The following RIMS2 variants were observed in gnomAD, a reference collection of about 807,000 sequenced individuals.
The protein encoded by RIMS2 is regulating synaptic membrane exocytosis 2, also known as regulating synaptic membrane exocytosis protein 2.
In RIMS2, 59 loss-of-function variants were observed where a neutral mutation model predicts 174.4. That is an observed-to-expected ratio of 0.34 (90% confidence interval 0.27 to 0.42). RIMS2 has a LOEUF of 0.42. RIMS2 is among the 10% of genes least tolerant of loss of function. RIMS2 has a pLI of 1.00. For missense variants in RIMS2, 1,620 were observed against 1,666.3 expected, an observed-to-expected ratio of 0.97 and a Z score of 0.48; for synonymous variants, 606 against 572.5, an observed-to-expected ratio of 1.06 and a Z score of -0.84.
chr8:103,704,423 CATT>C (rs759984789), intron 2 of RIMS2, among the ~76,000 whole-genome samples: 2 of 151,816 alleles, frequency 1.3e-5, no homozygotes, highest in Non-Finnish European at 2.9e-5. Flanking sequence ...CTCTAGTCGT[CATT>C]GTTGTTGTTT....
At chr8:104,213,746 A>G (rs865995573) in intron 19 of RIMS2, among the ~76,000 whole-genome samples, 8 of 151,760 alleles carry the variant, frequency 5.3e-5, no homozygotes, top group Admixed American at 1.3e-4. Context: ...GCGTGGTGGC[A>G]CGCGCCTGTA....
chr8:103,917,624 A>G (rs891092261), intron 8 of RIMS2, among the ~76,000 whole-genome samples: 31 of 152,190 alleles, frequency 2.0e-4, no homozygotes, highest in African/African-American at 7.5e-4. Context: ...TCAAATCTCA[A>G]ATAAAAAGAT....
intron 3 of RIMS2, among the ~76,000 whole-genome samples, chr8:103,816,361 A>G (rs2154469024): frequency 6.6e-6 from 1 of 152,336 alleles, no homozygotes; most frequent in East Asian, 1.9e-4. Context: ...CTTTTTGATA[A>G]CATGTAGGCA....
At chr8:103,789,544 A>G (rs2098476706) in intron 3 of RIMS2, among the ~76,000 whole-genome samples, 1 of 152,104 alleles carries the variant, frequency 6.6e-6, no homozygotes, top group Non-Finnish European at 1.5e-5. Context: ...ATATCTCATC[A>G]TATTCACAGA....
At chr8:103,728,365 C>A (rs1401404585) in intron 2 of RIMS2, among the ~76,000 whole-genome samples, 2 of 152,076 alleles carry the variant, frequency 1.3e-5, no homozygotes, top group Admixed American at 6.6e-5. Context: ...TGAATGAGAT[C>A]ATCTGTAAAC....
At chr8:104,247,648 A>G (rs562650709) in intron 20 of RIMS2, among the ~76,000 whole-genome samples, 130 of 152,328 alleles carry the variant, frequency 8.5e-4, no homozygotes, top group Non-Finnish European at 1.3e-3. Flanking sequence ...ATTTATCAAG[A>G]TGGAAATCTT....
intron 2 of RIMS2, among the ~76,000 whole-genome samples, chr8:103,764,248 G>A (rs1439593842): frequency 6.6e-6 from 1 of 152,204 alleles, no homozygotes; most frequent in Admixed American, 6.5e-5. Flanking sequence ...ACAAGCTCTC[G>A]TTTGTTGTTA....
At chr8:104,054,534 C>T (rs956303486) in intron 19 of RIMS2, among the ~76,000 whole-genome samples, 8 of 152,000 alleles carry the variant, frequency 5.3e-5, no homozygotes, top group African/African-American at 1.9e-4. Flanking sequence ...TAAAATGTAG[C>T]AAAAGTTAAA....
At chr8:103,641,193 G>T (rs529711892) in intron 1 of RIMS2, among the ~76,000 whole-genome samples, 7 of 152,030 alleles carry the variant, frequency 4.6e-5, no homozygotes, top group African/African-American at 1.4e-4. Context: ...TTTAAAACAG[G>T]TTTCTTGTAG....
chr8:103,973,401 G>C (rs923452313), intron 15 of RIMS2, among the ~76,000 whole-genome samples: 1 of 152,074 alleles, frequency 6.6e-6, no homozygotes, highest in Non-Finnish European at 1.5e-5. Context: ...GGGAAAGAAA[G>C]GTTAGGAAAG....
intron 15 of RIMS2, among the ~76,000 whole-genome samples, chr8:103,961,446 A>G (rs2090045109): frequency 6.6e-6 from 1 of 152,136 alleles, no homozygotes; most frequent in Non-Finnish European, 1.5e-5. Flanking sequence ...ATACTGCACT[A>G]ATATGGTGGA....
At chr8:104,206,180 A>G (rs532308953) in intron 19 of RIMS2, among the ~76,000 whole-genome samples, 81 of 152,222 alleles carry the variant, frequency 5.3e-4, no homozygotes, top group African/African-American at 1.8e-3. Flanking sequence ...TAATTGTCAA[A>G]GTTTGTTTTA....
chr8:103,659,437 C>T (rs141455241), intron 1 of RIMS2, among the ~76,000 whole-genome samples: 3 of 152,346 alleles, frequency 2.0e-5, no homozygotes, highest in African/African-American at 7.2e-5. Context: ...ACCAGCTGCA[C>T]TGCTCAGGGC....
chr8:104,107,034 A>T (rs1012532074), intron 19 of RIMS2, among the ~76,000 whole-genome samples: 9 of 152,172 alleles, frequency 5.9e-5, no homozygotes, highest in Non-Finnish European at 1.3e-4. Context: ...GTGAAAAAAA[A>T]AATCCAAGAA....
chr8:103,796,138 C>T (rs2098548700), intron 3 of RIMS2, among the ~76,000 whole-genome samples: 1 of 152,118 alleles, frequency 6.6e-6, no homozygotes, highest in African/African-American at 2.4e-5. Flanking sequence ...TTTCTGGCCT[C>T]CTGCTTTTCA....
At position 103,916,404 on chromosome 8, in the gene RIMS2, C is replaced by A; in HGVS notation, c.1913-10C>A. The A allele has an allele frequency of 6.3e-7, 1 of 1,581,186 alleles. No individual in the cohort carries two copies. On this transcript the variant is annotated splice_polypyrimidine_tract_variant and intron_variant, in intron 7 of 23. Transcript: ENST00000504942. ...CTGTATAAGATTATTATTACTGACA[C>A]CCACTATAGGTGATGAAGTATTAGA... is the stretch of plus-strand genomic sequence containing the variant.
Position 104,057,063 on chromosome 8 carries a change from CTTTTTTT to C in RIMS2, c.3334+42458_3334+42464del, listed in dbSNP as rs749665730. Among the ~76,000 whole-genome samples the C allele has an allele frequency of 1.2e-3, 166 of 135,418 alleles. 1 individual carries two copies. In the Middle Eastern group the frequency reaches 0.015, roughly 12 times the overall value. The allele number at this position is 135,418 out of a possible 152,430, so 88.8% of individuals were successfully genotyped here. ...TACATCCTTTTTTCTTTTTCTTTTT[CTTTTTTT>C]TTTTTTTTTCTTTTGAGACAAGGTC... On this transcript the variant is annotated intron_variant, in intron 19 of 23. Transcript: ENST00000504942.
intron 3 of RIMS2, among the ~76,000 whole-genome samples, chr8:103,860,423 G>T (rs557262404): frequency 1.3e-5 from 2 of 151,916 alleles, no homozygotes; most frequent in Admixed American, 6.6e-5. Context: ...GTAAATCACC[G>T]TGCATAGTAT....
At chr8:103,835,814 T>G (rs186201461) in intron 3 of RIMS2, among the ~76,000 whole-genome samples, 4 of 152,344 alleles carry the variant, frequency 2.6e-5, no homozygotes, top group Admixed American at 1.3e-4. Flanking sequence ...ATGTCCTAAT[T>G]AAATAATCAC....
Sources: gnomAD v4.1 joint callset for allele counts (sites outside exome capture counted in the v4.1 genomes callset) on GRCh38, gnomAD v4.1.1 for gene constraint, MANE v1.5 for transcripts, NCBI Gene and HGNC (gene_info 2026-07-23, HGNC 2026-07-21) for gene names.